STAB2: variants seen among roughly 807,000 people sequenced by gnomAD.
STAB2 encodes stabilin 2.
STAB2 carries 288 observed loss-of-function variants against 338.1 expected under a neutral mutation model. The observed-to-expected ratio is 0.85, with a 90% CI of 0.77 to 0.94. STAB2 has a LOEUF of 0.94. Among genes scored for constraint, STAB2 ranks in the 40% least tolerant of loss-of-function variants. STAB2 has a pLI of 0.00. For synonymous variants in STAB2, 1,202 were observed against 1,193.3 expected, an observed-to-expected ratio of 1.01 and a Z score of -0.15; for missense variants, 3,141 against 3,210.1, an observed-to-expected ratio of 0.98 and a Z score of 0.52.
intron 56 of STAB2, among the ~76,000 whole-genome samples, chr12:103,743,889 C>T (rs2139132908): frequency 6.6e-6 from 1 of 152,192 alleles, no homozygotes; most frequent in Middle Eastern, 3.4e-3. Context: ...TCACCAGGGG[C>T]CAGATCTTCT....
chr12:103,654,312 G>T (rs927542465), intron 12 of STAB2, among the ~76,000 whole-genome samples: 1 of 152,176 alleles, frequency 6.6e-6, no homozygotes, highest in South Asian at 2.1e-4. Flanking sequence ...ATAATACCTT[G>T]CCCAGGTTTA....
At chr12:103,612,386 T>A (rs1957138894) in intron 3 of STAB2, among the ~76,000 whole-genome samples, 1 of 152,198 alleles carries the variant, frequency 6.6e-6, no homozygotes, top group Non-Finnish European at 1.5e-5. Flanking sequence ...GTTCATTTCT[T>A]TTTATTCTTT....
chr12:103,736,732 A>G (rs10778284), intron 52 of STAB2, among the ~76,000 whole-genome samples: 130,200 of 152,070 alleles, frequency 0.86, 55,885 homozygotes, highest in South Asian at 0.92. Flanking sequence ...TGACTTGCCC[A>G]TAGTCACATA....
intron 3 of STAB2, among the ~76,000 whole-genome samples, chr12:103,619,117 G>A (rs987777774): frequency 4.6e-5 from 7 of 152,088 alleles, no homozygotes; most frequent in African/African-American, 1.4e-4. Context: ...TAAATTACCC[G>A]GTCTCAGGCA....
chr12:103,744,854 G>A (rs1260844538), intron 56 of STAB2, among the ~76,000 whole-genome samples: 1 of 152,098 alleles, frequency 6.6e-6, no homozygotes, highest in Non-Finnish European at 1.5e-5. Flanking sequence ...CGTACCCCAT[G>A]ATACTCTCTA....
chr12:103,600,614 G>A (rs1840980131), intron 3 of STAB2, among the ~76,000 whole-genome samples: 3 of 152,350 alleles, frequency 2.0e-5, no homozygotes, highest in South Asian at 4.1e-4. Flanking sequence ...AATTTAGGGA[G>A]ACACAAACAT....
intron 39 of STAB2, 81 bp from the exon 40 acceptor site, chr12:103,711,390 C>A: frequency 5.0e-6 from 8 of 1,587,120 alleles, no homozygotes; most frequent in South Asian, 1.1e-5. Context: ...AAAGAAGTAG[C>A]TTTTCTGAGC....
intron 3 of STAB2, among the ~76,000 whole-genome samples, chr12:103,607,175 T>C (rs1957042202): frequency 6.6e-6 from 1 of 152,170 alleles, no homozygotes; most frequent in Non-Finnish European, 1.5e-5. Flanking sequence ...TTCTTTGAGC[T>C]CTTGGATCTA....
At chr12:103,716,051 G>C (rs1880287465) in intron 43 of STAB2, among the ~76,000 whole-genome samples, 163 bp downstream of exon 43, 1 of 152,162 alleles carries the variant, frequency 6.6e-6, no homozygotes, top group African/African-American at 2.4e-5. Context: ...GCCCTTCTTT[G>C]GGAATGAGGT....
chr12:103,653,819 CA>C (rs1244468505), intron 12 of STAB2, among the ~76,000 whole-genome samples: 1 of 121,408 alleles, frequency 8.2e-6, no homozygotes, highest in African/African-American at 3.3e-5. Flanking sequence ...TGGGTAGATA[CA>C]TGGATAGGTC....
rs1593218307 is a variant in STAB2 at position 103,674,982 on chromosome 12, T to A, written c.2552+895T>A. Reference sequence around the variant, plus strand: ...AACATTACCGCTGAAACCTATGAAATCATCCACAGAGGACTGTCGGCATGG... The same window carrying A: ...AACATTACCGCTGAAACCTATGAAAACATCCACAGAGGACTGTCGGCATGG... On this transcript the variant is annotated intron_variant, in intron 23 of 68. Transcript: ENST00000388887. 3.9e-5 allele frequency among the ~76,000 whole-genome samples: 6 copies of A among 152,286 alleles called. No individual in the cohort carries two copies. In the South Asian group the frequency reaches 1.0e-3, roughly 26 times the overall value.
intron 44 of STAB2, among the ~76,000 whole-genome samples, chr12:103,720,712 T>G (rs1244899048): frequency 6.6e-6 from 1 of 152,196 alleles, no homozygotes; most frequent in Non-Finnish European, 1.5e-5. Context: ...CCAAACTGTT[T>G]TAGTTCATTT....
intron 56 of STAB2, among the ~76,000 whole-genome samples, chr12:103,743,071 G>A (rs1258620318): frequency 7.0e-6 from 1 of 142,646 alleles, no homozygotes; most frequent in Non-Finnish European, 1.5e-5. Flanking sequence ...TGCCCAGGCT[G>A]GAGTGCAATG....
In STAB2 at chr12:103,638,121, G is replaced by T. The variant is rs748363692; in HGVS notation, c.815G>T (p.Gly272Val). The change falls in exon 8 of 69, where the codon GGC becomes GTC. Residue 272 changes from glycine to valine, a missense_variant. Transcript: ENST00000388887. ...CTCQEGYRGD[G>V]QVCLPVDPCQ... ...TGCCAAGAAGGCTACCGTGGGGATG[G>T]CCAAGTGTGCTTGCCTGTGGACCCC... The T allele has an allele frequency of 6.2e-7, 1 of 1,614,080 alleles. No homozygotes were observed. The highest frequency in any genetic ancestry group is 8.5e-7 in the Non-Finnish European group (1 of 1,180,052).
At chr12:103,724,833 G>A in intron 44 of STAB2, 142 bp from the exon 45 acceptor site, 1 of 1,454,380 alleles carries the variant, frequency 6.9e-7, no homozygotes, top group Non-Finnish European at 9.2e-7. Flanking sequence ...GGCAAGCTCA[G>A]GAAAAGGATA....
chr12:103,665,724 G>A (rs538537560), intron 18 of STAB2, among the ~76,000 whole-genome samples: 6 of 152,198 alleles, frequency 3.9e-5, no homozygotes, highest in South Asian at 4.2e-4. Flanking sequence ...CATCCTTCAC[G>A]GTCTACCTTC....
At chr12:103,677,362 G>A in intron 24 of STAB2, 91 bp from the exon 25 acceptor site, 1 of 1,472,468 alleles carries the variant, frequency 6.8e-7, no homozygotes, top group Non-Finnish European at 9.1e-7. Context: ...CTGTGTTTCT[G>A]GAACATATGT....
At chr12:103,760,798 GTC>G (rs753548980) in intron 65 of STAB2, among the ~76,000 whole-genome samples, 1 of 152,208 alleles carries the variant, frequency 6.6e-6, no homozygotes, top group African/African-American at 2.4e-5. Context: ...TTAGACTAGT[GTC>G]TCTCAAAATT....
At chr12:103,747,658 A>T (rs1281650555) in intron 58 of STAB2, among the ~76,000 whole-genome samples, 1 of 152,174 alleles carries the variant, frequency 6.6e-6, no homozygotes, top group Non-Finnish European at 1.5e-5. Flanking sequence ...GTCGTCTTTT[A>T]TTGGGCAACC....
Sources: gnomAD v4.1 joint callset for allele counts (sites outside exome capture counted in the v4.1 genomes callset) on GRCh38, gnomAD v4.1.1 for gene constraint, MANE v1.5 for transcripts, NCBI Gene and HGNC (gene_info 2026-07-23, HGNC 2026-07-21) for gene names.